The following EFHC1 variants were observed in gnomAD, a reference collection of about 807,000 sequenced individuals.
EFHC1 encodes the protein EF-hand domain-containing protein 1.
Under a neutral mutation model 69.9 loss-of-function variants are expected in EFHC1, and 53 were observed. That is an observed-to-expected ratio of 0.76 (90% CI 0.61 to 0.95). The LOEUF (loss-of-function observed/expected upper bound fraction) is 0.95, where lower values mean the gene tolerates loss of function less well. Among genes scored for constraint, EFHC1 ranks in the 40% least tolerant of loss-of-function variants. The pLI is 0.00. For synonymous variants in EFHC1, 256 were observed against 278.4 expected, an observed-to-expected ratio of 0.92 and a Z score of 0.80; for missense variants, 739 against 798.7, an observed-to-expected ratio of 0.93 and a Z score of 0.90.
intron 9 of EFHC1, among the ~76,000 whole-genome samples, chr6:52,480,566 T>G (rs1227677728): frequency 6.6e-6 from 1 of 152,186 alleles, no homozygotes; most frequent in Admixed American, 6.5e-5. Context: ...GGGTGATGAA[T>G]GCTGTAAAAA....
intron 7 of EFHC1, among the ~76,000 whole-genome samples, chr6:52,472,149 G>A (rs1304257602): frequency 6.6e-6 from 1 of 151,692 alleles, no homozygotes; most frequent in Non-Finnish European, 1.5e-5. Context: ...GTTTAAAAAA[G>A]TAAAAATGAA....
chr6:52,462,219 T>TA (rs535802470), intron 5 of EFHC1, among the ~76,000 whole-genome samples: 1 of 150,140 alleles, frequency 6.7e-6, no homozygotes, highest in East Asian at 1.9e-4. Context: ...ACCCATGAGT[T>TA]AAAAAAAAAT....
chr6:52,483,026 C>G, intron 9 of EFHC1: 1 of 394,698 alleles, frequency 2.5e-6, no homozygotes, highest in Non-Finnish European at 4.5e-6. Flanking sequence ...ACACACTTTA[C>G]TGTCTGCGTG....
rs116039527 is a variant in EFHC1 at position 52,429,288 on chromosome 6, T to G, written c.285+5121T>G. Among the ~76,000 whole-genome samples the G allele has an allele frequency of 5.5e-3, 843 of 152,230 alleles. 8 individuals are homozygous for G. The highest frequency in any genetic ancestry group is 0.019 in the African/African-American group (794 of 41,544). On this transcript the variant is annotated intron_variant, in intron 2 of 10. Transcript: ENST00000371068. ...TGCCTAAGCCAATGTCTAGAAGAGG[T>G]TTTCCAATGTTATTTTCTAGAATTT...
chr6:52,423,864 T>C, intron 1 of EFHC1, 82 bp from the exon 2 acceptor site: 1 of 1,585,654 alleles, frequency 6.3e-7, no homozygotes, highest in Non-Finnish European at 8.6e-7. Flanking sequence ...AAGATTCAAG[T>C]TATATTTTTA....
chr6:52,423,682 T>TTC, intron 1 of EFHC1: 7 of 432,494 alleles, frequency 1.6e-5, no homozygotes, highest in South Asian at 8.8e-5. Context: ...TTTTTTTTTT[T>TTC]TTAGTTTTTG....
At position 52,495,690 on chromosome 6, in the gene EFHC1, G is replaced by A. The variant is rs1419316029; in HGVS notation, c.*3349G>A. On this transcript the variant is annotated 3_prime_UTR_variant, in exon 11 of 11. Coordinates refer to ENST00000371068, the MANE Select transcript of EFHC1 (RefSeq NM_018100.4). Reference sequence around the variant, plus strand: ...TGCAGCCTCAAACTCCTGGGCTCATGCAATCCTCCTGCCTCAGCCTTCTGA... The same window carrying A: ...TGCAGCCTCAAACTCCTGGGCTCATACAATCCTCCTGCCTCAGCCTTCTGA... The A allele has an allele frequency of 8.4e-5, 36 of 429,838 alleles. No individual in the cohort carries two copies. The highest frequency in any genetic ancestry group is 2.3e-5 in the Non-Finnish European group (5 of 214,330). 26.6% of individuals were successfully genotyped at this position (429,838 alleles called of 1,614,324 possible).
Position 52,481,233 on chromosome 6 carries a change from A to G in EFHC1, c.1640+1446A>G, listed in dbSNP as rs150540653. On this transcript the variant is annotated intron_variant, in intron 9 of 10. Transcript: ENST00000371068. ...GAAAAGAATAATTAAGGATGACTCC[A>G]AGATGTTTGGCCTGAGGAACAGGAA... Among the ~76,000 whole-genome samples the G allele has an allele frequency of 3.3e-5, 5 of 152,302 alleles. No homozygotes were observed. The East Asian group carries it at 9.6e-4, about 29-fold the overall frequency.
chr6:52,492,418 G>C lies in EFHC1; in HGVS notation c.*77G>C, dbSNP rs1309638608. On this transcript the variant is annotated 3_prime_UTR_variant, in exon 11 of 11. Coordinates refer to ENST00000371068, the MANE Select transcript of EFHC1 (RefSeq NM_018100.4). ...AAATACACCTTACACTCTTCATAGA[G>C]GCATTTACAGGGTTCCTGAAGTTTT... is the stretch of plus-strand genomic sequence containing the variant. The C allele has an allele frequency of 7.3e-7, 1 of 1,376,806 alleles. No homozygotes were observed. The highest frequency in any genetic ancestry group is 1.0e-6 in the Non-Finnish European group (1 of 974,828). The allele number at this position is 1,376,806 out of a possible 1,614,324, so 85.3% of individuals were successfully genotyped here. A position where few individuals can be genotyped will look rare whatever the true frequency, so the allele number is the denominator to read the frequency against.
At chr6:52,473,901 G>A (rs1435060543) in intron 7 of EFHC1, among the ~76,000 whole-genome samples, 1 of 152,168 alleles carries the variant, frequency 6.6e-6, no homozygotes, top group Non-Finnish European at 1.5e-5. Flanking sequence ...GGGAGCAGAT[G>A]TTTAATACAG....
rs1342135436 is a variant in EFHC1 at position 52,424,093 on chromosome 6, G to A, written c.211G>A (p.Val71Ile). ...GGATGAGTTGGCCAGTAAGGCACCA[G>A]TCTTAACTTATGGCCAACCTAAACA... ...ELDELASKAP[V>I]LTYGQPKQAP... is the part of the protein sequence containing the mutation. Residue 71 changes from valine to isoleucine, a missense_variant, in exon 2 of 11, where the codon GTC becomes ATC. Coordinates refer to ENST00000371068, the MANE Select transcript of EFHC1 (RefSeq NM_018100.4). 7.4e-6 allele frequency: 12 copies of A among 1,614,144 alleles called. No homozygotes were observed. The highest frequency in any genetic ancestry group is 1.1e-5 in the South Asian group (1 of 91,084).
At chr6:52,433,208 A>G (rs961224357) in intron 2 of EFHC1, among the ~76,000 whole-genome samples, 3 of 151,938 alleles carry the variant, frequency 2.0e-5, no homozygotes, top group Admixed American at 6.6e-5. Context: ...GTTTCAATCT[A>G]TTGCTGGTGA....
intron 9 of EFHC1, chr6:52,485,376 A>G (rs1051076153): frequency 1.3e-5 from 2 of 152,234 alleles, no homozygotes; most frequent in African/African-American, 4.8e-5. Context: ...TGAGGAAAAG[A>G]TACCACTGTG....
At chr6:52,421,568 C>G (rs1482823746) in intron 1 of EFHC1, among the ~76,000 whole-genome samples, 1 of 152,150 alleles carries the variant, frequency 6.6e-6, no homozygotes, top group African/African-American at 2.4e-5. Flanking sequence ...GATGAGCTAA[C>G]AGTAGTTTAT....
intron 5 of EFHC1, among the ~76,000 whole-genome samples, chr6:52,457,929 A>C (rs1026152940): frequency 5.9e-5 from 9 of 152,224 alleles, no homozygotes; most frequent in African/African-American, 2.2e-4. Context: ...TAGATGAAGG[A>C]AACACCATGC....
At position 52,494,531 on chromosome 6, in the gene EFHC1, C is replaced by T. The variant is rs1271952615; in HGVS notation, c.*2190C>T. Reference sequence around the variant, plus strand: ...TGGCTAGTAATGTCGTAATGTGGGGCCAGGTCTGAGTGACATGTGCCGAAA... The same window carrying T: ...TGGCTAGTAATGTCGTAATGTGGGGTCAGGTCTGAGTGACATGTGCCGAAA... On this transcript the variant is annotated 3_prime_UTR_variant, in exon 11 of 11. Coordinates refer to ENST00000371068, the MANE Select transcript of EFHC1 (RefSeq NM_018100.4). 2.2e-6 allele frequency: 1 copy of T among 454,132 alleles called. No homozygotes were observed. The highest frequency in any genetic ancestry group is 1.6e-5 in the South Asian group (1 of 64,472). 28.1% of individuals were successfully genotyped at this position (454,132 alleles called of 1,614,324 possible). A position where few individuals can be genotyped will look rare whatever the true frequency, so the allele number is the denominator to read the frequency against.
At chr6:52,449,658 G>T (rs1764872446) in intron 3 of EFHC1, among the ~76,000 whole-genome samples, 1 of 152,146 alleles carries the variant, frequency 6.6e-6, no homozygotes, top group Non-Finnish European at 1.5e-5. Flanking sequence ...ATTCTGTGGG[G>T]TCAGTGGTAA....
At chr6:52,454,428 C>T in intron 5 of EFHC1, 141 bp downstream of exon 5, 1 of 1,002,160 alleles carries the variant, frequency 1.0e-6, no homozygotes, top group Non-Finnish European at 1.5e-6. Context: ...TGGCTTCCCA[C>T]AGCTTTCCTC....
intron 2 of EFHC1, among the ~76,000 whole-genome samples, chr6:52,435,540 G>C (rs1764513632): frequency 3.3e-5 from 5 of 152,144 alleles, no homozygotes; most frequent in Admixed American, 3.3e-4. Flanking sequence ...CCAGCACTGG[G>C]TTTTCCTCAA....
Sources: gnomAD v4.1 joint callset for allele counts (sites outside exome capture counted in the v4.1 genomes callset) on GRCh38, gnomAD v4.1.1 for gene constraint, MANE v1.5 for transcripts, NCBI Gene and HGNC (gene_info 2026-07-23, HGNC 2026-07-21) for gene names.